TBX1: variants seen among roughly 807,000 people sequenced by gnomAD.
The protein encoded by TBX1 is T-box transcription factor 1.
In TBX1, 16 loss-of-function variants were observed where a neutral mutation model predicts 40.8. The ratio of observed to expected loss-of-function variants is 0.39; its 90% CI spans 0.27 to 0.60. TBX1 has a LOEUF of 0.60. Ranked by LOEUF, TBX1 falls within the 20% of genes least tolerant of loss-of-function variation. The probability of loss-of-function intolerance (pLI) is 0.51; values close to 1 mark genes in which losing one functional copy is unlikely to be tolerated. For missense variants in TBX1, 755 were observed against 728.5 expected, an observed-to-expected ratio of 1.04 and a Z score of -0.42; for synonymous variants, 403 against 336.8, an observed-to-expected ratio of 1.20 and a Z score of -2.15.
At chr22:19,766,223 A>AGGGCTC (rs1936837198) in intron 6 of TBX1, 166 bp from the exon 7 acceptor site, 1 of 1,036,886 alleles carries the variant, frequency 9.6e-7, no homozygotes, top group East Asian at 5.0e-5. Context: ...GGCCCCGGGG[A>AGGGCTC]GGGCTCGGGG....
intron 8 of TBX1, among the ~76,000 whole-genome samples, chr22:19,777,599 C>G (rs1937085898): frequency 6.6e-6 from 1 of 152,066 alleles, no homozygotes; most frequent in African/African-American, 2.4e-5. Context: ...CTGAGTTCTA[C>G]TCTTATAAAG....
intron 1 of TBX1, among the ~76,000 whole-genome samples, chr22:19,761,700 G>A (rs1426925429): frequency 6.6e-6 from 1 of 152,238 alleles, no homozygotes; most frequent in East Asian, 1.9e-4. Flanking sequence ...GAAAACTCTG[G>A]TTCAGTTCTG....
chr22:19,763,659 G>A (rs907287611), intron 2 of TBX1: 29 of 451,294 alleles, frequency 6.4e-5, no homozygotes, highest in Non-Finnish European at 1.1e-4. Flanking sequence ...CCAGGAGGCC[G>A]GCCTGAGCGC....
chr22:19,763,242 C>A lies in TBX1; in HGVS notation c.439C>A (p.Arg147=), dbSNP rs1936724586. Reference sequence around the variant, plus strand: ...GACCCAAGGCCTCATCACCCCCAGGCGGATGTTTCCCACCTTCCAAGTGAA... The same window carrying A: ...GACCCAAGGCCTCATCACCCCCAGGAGGATGTTTCCCACCTTCCAAGTGAA... ...TEMIVTKAGR[R]MFPTFQVKLF... Residue 147 remains arginine (R), a splice_region_variant and synonymous_variant, in exon 2 of 7, where the codon CGG becomes AGG. Transcript: ENST00000649276. The A allele has an allele frequency of 1.2e-6, 2 of 1,613,810 alleles. No homozygotes were observed. Among genetic ancestry groups the A allele is most frequent in the African/African-American group, 2.7e-5 (2 of 74,938 alleles).
At chr22:19,781,397 TTTG>T (rs1317485604), downstream of TBX1, among the ~76,000 whole-genome samples, 1 of 152,150 alleles carries the variant, frequency 6.6e-6, no homozygotes, top group African/African-American at 2.4e-5. Context: ...AATCGGCTTT[TTTG>T]TTGTTGTTGA....
intron 1 of TBX1, 148 bp from the exon 2 acceptor site, chr22:19,763,093 C>T: frequency 1.4e-6 from 1 of 703,120 alleles, no homozygotes; most frequent in South Asian, 1.5e-5. Context: ...GCAGCTAAGC[C>T]AGGAAAGATG....
At chr22:19,765,256 C>A in intron 4 of TBX1, 143 bp downstream of exon 4, 1 of 1,282,094 alleles carries the variant, frequency 7.8e-7, no homozygotes, top group Non-Finnish European at 1.1e-6. Context: ...TGGAGCCCCA[C>A]TCCCAAGGGC....
In TBX1 at chr22:19,763,317, G is replaced by A. The variant is rs368122035; in HGVS notation, c.514G>A (p.Val172Met). The A allele has an allele frequency of 1.7e-5, 28 of 1,614,076 alleles. No homozygotes were observed. The East Asian group carries it at 4.5e-4, about 26-fold the overall frequency. ...MADYMLLMDFVPVDDKRYRYA... is the reference protein window; with the variant it reads ...MADYMLLMDFMPVDDKRYRYA... ...CGACTATATGCTGCTCATGGACTTCGTGCCGGTGGACGATAAGCGCTACCG... is the reference window on the plus strand; with the variant it reads ...CGACTATATGCTGCTCATGGACTTCATGCCGGTGGACGATAAGCGCTACCG... Residue 172 changes from valine to methionine, a missense_variant, in exon 2 of 7, where the codon GTG becomes ATG. By Grantham distance (21) the Val-to-Met change is conservative. Around this residue, in one of 3 missense-constraint regions of TBX1, gnomAD observed 144 missense variants for 238.0 expected, o/e 0.61. Transcript: ENST00000649276.
In TBX1 at chr22:19,767,193, G is replaced by A; in HGVS notation, c.*326G>A. ...TATTTATTGTTCTCCCCGAGACCGC[G>A]TCGCCCGCGGCCCGGCCGGCAGTTG... On this transcript the variant is annotated 3_prime_UTR_variant, in exon 7 of 7. Transcript: ENST00000649276. 1 of 1,091,256 alleles carries A rather than the reference G, an allele frequency of 9.2e-7. No individual in the cohort carries two copies. Among genetic ancestry groups the A allele is most frequent in the Non-Finnish European group, 1.1e-6 (1 of 898,538 alleles). 67.6% of individuals were successfully genotyped at this position (1,091,256 alleles called of 1,614,324 possible).
At chr22:19,764,376 C>T (rs1035582505) in intron 3 of TBX1, 50 bp downstream of exon 3, 18 of 1,560,724 alleles carry the variant, frequency 1.2e-5, no homozygotes, top group African/African-American at 1.1e-4. Context: ...CCTCGAGTCC[C>T]GAGGCACCCG....
At chr22:19,758,626 A>T (rs1936539947), upstream of TBX1, among the ~76,000 whole-genome samples, 1 of 152,164 alleles carries the variant, frequency 6.6e-6, no homozygotes, top group Non-Finnish European at 1.5e-5. Flanking sequence ...GTTCTCCAAC[A>T]TGTCCTCGTG....
At chr22:19,771,920 C>G (rs966009573), downstream of TBX1, among the ~76,000 whole-genome samples, 2 of 152,218 alleles carry the variant, frequency 1.3e-5, no homozygotes, top group African/African-American at 4.8e-5. Context: ...GCATGTTGCT[C>G]TGGGTGACTT....
Position 19,763,277 on chromosome 22 carries a change from C to T in TBX1, c.474C>T (p.Gly158=), listed in dbSNP as rs142182296. ...MFPTFQVKLF[G]MDPMADYMLL... ...CCACCTTCCAAGTGAAGCTCTTCGG[C>T]ATGGATCCCATGGCCGACTATATGC... The change falls in exon 2 of 7, where the codon GGC becomes GGT. Residue 158 remains glycine, a synonymous_variant. Coordinates refer to ENST00000649276, the MANE Select transcript of TBX1 (RefSeq NM_001379200.1). 7 of 1,614,082 alleles carry T rather than the reference C, an allele frequency of 4.3e-6. No homozygotes were observed. Among genetic ancestry groups the T allele is most frequent in the Non-Finnish European group, 5.9e-6 (7 of 1,180,024 alleles).
Position 19,760,813 on chromosome 22 carries a change from T to TGGCGGGGGCGGC in TBX1, c.-25_-14dup, listed in dbSNP as rs1484468898. 2 of 687,632 alleles carry TGGCGGGGGCGGC rather than the reference T, an allele frequency of 2.9e-6. No individual in the cohort carries two copies. The highest frequency in any genetic ancestry group is 5.2e-5 in the African/African-American group (2 of 38,100). 42.6% of individuals were successfully genotyped at this position (687,632 alleles called of 1,614,324 possible). ...CGGCGCGGGGCAGCGCTCAGCTTGG[T>TGGCGGGGGCGGC]GGCGGGGGCGGCGGCGGCGGCCCGC... On this transcript the variant is annotated 5_prime_UTR_variant, in exon 1 of 7. Transcript: ENST00000649276.
upstream of TBX1, among the ~76,000 whole-genome samples, chr22:19,757,140 A>G (rs1407899349): frequency 6.6e-6 from 1 of 151,690 alleles, no homozygotes; most frequent in Non-Finnish European, 1.5e-5. Context: ...GAGTGAGTAT[A>G]GGCAGCCGGT....
At chr22:19,776,554 T>C (rs1248423159) in intron 8 of TBX1, among the ~76,000 whole-genome samples, 1 of 152,074 alleles carries the variant, frequency 6.6e-6, no homozygotes, top group African/African-American at 2.4e-5. Flanking sequence ...CCAGGCCTGC[T>C]TGCCCTGCTT....
At chr22:19,764,824 T>C in intron 3 of TBX1, 134 bp from the exon 4 acceptor site, 1 of 1,114,068 alleles carries the variant, frequency 9.0e-7, no homozygotes, top group Non-Finnish European at 1.3e-6. Context: ...CAGCCTCATC[T>C]TGGAATTAAG....
At chr22:19,764,896 T>TC in intron 3 of TBX1, 62 bp from the exon 4 acceptor site, 1 of 1,603,434 alleles carries the variant, frequency 6.2e-7, no homozygotes, top group Non-Finnish European at 8.5e-7. Flanking sequence ...ATTTCCTGGC[T>TC]CCCACCCCAG....
chr22:19,765,710 C>G (rs201448674), intron 4 of TBX1, 48 bp from the exon 5 acceptor site: 2 of 1,605,978 alleles, frequency 1.2e-6, no homozygotes, highest in Admixed American at 1.7e-5. Context: ...GGTCGGGTGG[C>G]CCAGGCTGCA....
Sources: gnomAD v4.1 joint callset for allele counts (sites outside exome capture counted in the v4.1 genomes callset) on GRCh38, gnomAD v4.1.1 for gene constraint, gnomAD v4.1.1 regional missense constraint, MANE v1.5 for transcripts, NCBI Gene and HGNC (gene_info 2026-07-23, HGNC 2026-07-21) for gene names.